NLGN1: variants seen among roughly 807,000 people sequenced by gnomAD.
The protein encoded by NLGN1 is neuroligin-1.
In NLGN1, 12 loss-of-function variants were observed where a neutral mutation model predicts 65.5. That is an observed-to-expected ratio of 0.18 (90% CI 0.12 to 0.30). NLGN1 has a LOEUF of 0.30. Among genes scored for constraint, NLGN1 ranks in the 10% least tolerant of loss-of-function variants. NLGN1 has a pLI of 1.00. For synonymous variants in NLGN1, 350 were observed against 359.5 expected (o/e 0.97, Z 0.30); for missense variants, 750 against 1,007.1 (o/e 0.74, Z 3.46).
chr3:174,242,888 G>T (rs1259716038), intron 4 of NLGN1, among the ~76,000 whole-genome samples: 1 of 152,066 alleles, frequency 6.6e-6, no homozygotes, highest in African/African-American at 2.4e-5. Flanking sequence ...AAATGTTGGC[G>T]ACCACTGCCA....
intron 3 of NLGN1, among the ~76,000 whole-genome samples, chr3:173,675,887 T>TCTCTCTCTCACA (rs756157881): frequency 0.027 from 3,756 of 138,532 alleles, 58 homozygotes; most frequent in Middle Eastern, 0.038. Context: ...TCTCTCTCTC[T>TCTCTCTCTCACA]CACACACACA....
intron 4 of NLGN1, among the ~76,000 whole-genome samples, chr3:173,987,560 A>G (rs1720214181): frequency 6.6e-6 from 1 of 152,190 alleles, no homozygotes; most frequent in South Asian, 2.1e-4. Flanking sequence ...AATTAGAGCC[A>G]CTTTTTTCTC....
intron 4 of NLGN1, among the ~76,000 whole-genome samples, chr3:173,849,385 G>A (rs1726445420): frequency 6.6e-6 from 1 of 152,070 alleles, no homozygotes; most frequent in Admixed American, 6.6e-5. Flanking sequence ...GAGAAACCAG[G>A]CTTCCATGTG....
chr3:173,727,016 A>G (rs1248128203), intron 3 of NLGN1, among the ~76,000 whole-genome samples: 1 of 152,110 alleles, frequency 6.6e-6, no homozygotes, highest in Non-Finnish European at 1.5e-5. Context: ...TCAAAGCAGG[A>G]ACAGAAAAGG....
At chr3:173,612,470 T>G (rs1449923692) in intron 3 of NLGN1, among the ~76,000 whole-genome samples, 2 of 152,040 alleles carry the variant, frequency 1.3e-5, no homozygotes. Flanking sequence ...TCCCTGCTTT[T>G]TTCTAGTTTC....
intron 4 of NLGN1, among the ~76,000 whole-genome samples, chr3:174,021,027 A>G (rs67569393): frequency 6.6e-6 from 1 of 151,806 alleles, no homozygotes; most frequent in Non-Finnish European, 1.5e-5. Context: ...CACTGAGTAT[A>G]TCTCTTTACT....
At chr3:173,938,979 A>G (rs1745517721) in intron 4 of NLGN1, among the ~76,000 whole-genome samples, 1 of 152,194 alleles carries the variant, frequency 6.6e-6, no homozygotes, top group Admixed American at 6.5e-5. Context: ...GCTTGTCAAC[A>G]CAATGACCAG....
intron 2 of NLGN1, among the ~76,000 whole-genome samples, chr3:173,600,706 T>C (rs1320498912): frequency 2.0e-5 from 3 of 151,538 alleles, no homozygotes; most frequent in African/African-American, 7.3e-5. Context: ...TCACATTTCA[T>C]CTTGCATTAG....
chr3:174,172,132 G>A (rs1053312122), intron 4 of NLGN1, among the ~76,000 whole-genome samples: 1 of 151,568 alleles, frequency 6.6e-6, no homozygotes, highest in Non-Finnish European at 1.5e-5. Context: ...ATTTGTATGG[G>A]TTTTTAAATT....
chr3:173,890,737 C>A (rs1031631983), intron 4 of NLGN1, among the ~76,000 whole-genome samples: 2 of 152,168 alleles, frequency 1.3e-5, no homozygotes, highest in South Asian at 2.1e-4. Context: ...ATAAACCCAT[C>A]CATAGCGTGG....
intron 3 of NLGN1, among the ~76,000 whole-genome samples, chr3:173,803,236 T>TTATTTTAAAAATTTAAGAAG (rs1262391817): frequency 6.6e-6 from 1 of 152,198 alleles, no homozygotes; most frequent in Non-Finnish European, 1.5e-5. Context: ...TTCTACCAAC[T>TTATTTTAAAAATTTAAGAAG]TATTTTAAAA....
chr3:173,637,252 T>G (rs1156539609), intron 3 of NLGN1, among the ~76,000 whole-genome samples: 1 of 152,120 alleles, frequency 6.6e-6, no homozygotes, highest in African/African-American at 2.4e-5. Flanking sequence ...AGGCAGTTTA[T>G]CATAAAATAT....
At chr3:173,702,337 CG>C (rs1767348492) in intron 3 of NLGN1, among the ~76,000 whole-genome samples, 1 of 151,932 alleles carries the variant, frequency 6.6e-6, no homozygotes, top group Non-Finnish European at 1.5e-5. Flanking sequence ...AGTTACTTCA[CG>C]ACAAGAATTT....
exon 7 of NLGN1, chr3:174,286,591 G>T (rs779667504): frequency 2.6e-5 from 4 of 151,562 alleles, no homozygotes; most frequent in Admixed American, 6.6e-5. Flanking sequence ...GACATCTATG[G>T]CTTTCATTAA....
intron 2 of NLGN1, among the ~76,000 whole-genome samples, chr3:173,523,561 T>A (rs1359209988): frequency 6.6e-6 from 1 of 151,694 alleles, no homozygotes; most frequent in Non-Finnish European, 1.5e-5. Context: ...GATTAGTGGG[T>A]TATAGATATG....
intron 2 of NLGN1, among the ~76,000 whole-genome samples, chr3:173,447,668 G>A (rs1720642737): frequency 6.6e-6 from 1 of 152,254 alleles, no homozygotes; most frequent in Admixed American, 6.5e-5. Flanking sequence ...CCATTTTCAT[G>A]ATATTGATTC....
chr3:173,500,854 G>T (rs948358571), intron 2 of NLGN1, among the ~76,000 whole-genome samples: 1 of 151,742 alleles, frequency 6.6e-6, no homozygotes, highest in African/African-American at 2.4e-5. Context: ...ACAACACTGA[G>T]CCCATATAAT....
At position 173,523,277 on chromosome 3, in the gene NLGN1, A is replaced by C. The variant is rs147006744; in HGVS notation, c.-320-81002A>C. On this transcript the variant is annotated intron_variant, in intron 2 of 6. Coordinates refer to ENST00000457714, the Ensembl canonical transcript of NLGN1. ...TAGTATAATTAAATATCATTTGTCT[A>C]TTTTTGTTTTTGTTGCATTTGCCTT... Among the ~76,000 whole-genome samples, 158 of 151,570 alleles carry C rather than the reference A, an allele frequency of 1.0e-3. 2 individuals carry two copies. The highest frequency in any genetic ancestry group is 3.6e-3 in the African/African-American group (148 of 41,434).
At chr3:173,871,683 C>A (rs991795550) in intron 4 of NLGN1, among the ~76,000 whole-genome samples, 1 of 152,184 alleles carries the variant, frequency 6.6e-6, no homozygotes, top group East Asian at 1.9e-4. Flanking sequence ...ATGCCTGGAA[C>A]ACAGTCTTGA....
Sources: gnomAD v4.1 joint callset for allele counts (sites outside exome capture counted in the v4.1 genomes callset) on GRCh38, gnomAD v4.1.1 for gene constraint, MANE v1.5 for transcripts, NCBI Gene and HGNC (gene_info 2026-07-23, HGNC 2026-07-21) for gene names.